The following LRBA variants were observed in gnomAD, a reference collection of about 807,000 sequenced individuals.
LRBA encodes the protein lipopolysaccharide-responsive and beige-like anchor protein.
In LRBA, 176 loss-of-function variants were observed where a neutral mutation model predicts 330.0. The observed-to-expected ratio is 0.53, with a 90% CI of 0.47 to 0.60. The LOEUF (loss-of-function observed/expected upper bound fraction) is 0.60, where lower values mean the gene tolerates loss of function less well. Among genes scored for constraint, LRBA ranks in the 20% least tolerant of loss-of-function variants. LRBA has a pLI of 0.00. For missense variants in LRBA, 3,259 were observed against 3,444.8 expected (o/e 0.95, Z 1.35); for synonymous variants, 1,230 against 1,193.0 (o/e 1.03, Z -0.64).
chr4:150,867,184 C>T (rs1319171469), intron 22 of LRBA, among the ~76,000 whole-genome samples: 1 of 151,022 alleles, frequency 6.6e-6, no homozygotes, highest in African/African-American at 2.4e-5. Flanking sequence ...TAGCACAGGG[C>T]AGACATCACC....
chr4:150,364,836 C>G (rs1280245712), intron 47 of LRBA, among the ~76,000 whole-genome samples: 6 of 151,792 alleles, frequency 4.0e-5, no homozygotes, highest in Non-Finnish European at 7.4e-5. Flanking sequence ...AGTAGATGCC[C>G]AATAAATATT....
At chr4:150,573,523 T>C (rs1025830100) in intron 40 of LRBA, among the ~76,000 whole-genome samples, 19 of 152,138 alleles carry the variant, frequency 1.2e-4, no homozygotes, top group Admixed American at 4.6e-4. Flanking sequence ...GACTATATAA[T>C]ATAGCAGATA....
intron 48 of LRBA, among the ~76,000 whole-genome samples, chr4:150,333,275 C>T (rs1031695417): frequency 2.0e-5 from 3 of 151,602 alleles, no homozygotes; most frequent in Non-Finnish European, 1.5e-5. Flanking sequence ...ATAACTTAAA[C>T]ATATGGACAC....
intron 17 of LRBA, among the ~76,000 whole-genome samples, chr4:150,879,524 A>C (rs1008301866): frequency 6.6e-6 from 1 of 152,184 alleles, no homozygotes; most frequent in African/African-American, 2.4e-5. Context: ...CAGAGCAATC[A>C]GGCAAGAAAA....
At chr4:150,914,104 T>C in intron 9 of LRBA, 91 bp downstream of exon 9, 3 of 983,850 alleles carry the variant, frequency 3.0e-6, no homozygotes, top group Non-Finnish European at 4.3e-6. Flanking sequence ...TTTTTTTTTT[T>C]TGTATCCATT....
chr4:150,997,650 G>A (rs1742816423), intron 2 of LRBA, among the ~76,000 whole-genome samples: 1 of 151,660 alleles, frequency 6.6e-6, no homozygotes, highest in Non-Finnish European at 1.5e-5. Context: ...TAGCGGTTGG[G>A]GAAAAAAACA....
chr4:150,522,409 T>G (rs1195336144), intron 40 of LRBA, among the ~76,000 whole-genome samples: 1 of 152,182 alleles, frequency 6.6e-6, no homozygotes, highest in Non-Finnish European at 1.5e-5. Flanking sequence ...AATGTGACAA[T>G]ATTAGTATGA....
intron 47 of LRBA, among the ~76,000 whole-genome samples, chr4:150,410,770 T>G (rs973093352): frequency 6.6e-6 from 1 of 152,178 alleles, no homozygotes; most frequent in Non-Finnish European, 1.5e-5. Flanking sequence ...TTTGAATCAA[T>G]TATGTATATT....
At chr4:150,804,059 T>C (rs1742179859) in intron 33 of LRBA, among the ~76,000 whole-genome samples, 1 of 151,948 alleles carries the variant, frequency 6.6e-6, no homozygotes, top group Non-Finnish European at 1.5e-5. Flanking sequence ...TGTTACACCA[T>C]TTAAAAAAAA....
At chr4:150,793,012 G>A (rs1433448745) in intron 34 of LRBA, among the ~76,000 whole-genome samples, 7 of 152,124 alleles carry the variant, frequency 4.6e-5, no homozygotes, top group South Asian at 4.2e-4. Flanking sequence ...CCCAGGAGGC[G>A]GAGGTTGCAG....
At chr4:150,488,958 AATATATTATATATAAGAATATATAAC>A (rs1758239271) in intron 41 of LRBA, among the ~76,000 whole-genome samples, 1 of 133,172 alleles carries the variant, frequency 7.5e-6, no homozygotes, top group African/African-American at 2.8e-5. Flanking sequence ...TATAACATAT[AATATATTATATATAAGAATATATAAC>A]ATATAATATA....
Position 150,444,047 on chromosome 4 carries a change from C to T in LRBA, c.6781-7183G>A, listed in dbSNP as rs1048262966. On this transcript the variant is annotated intron_variant, in intron 44 of 56. Coordinates refer to ENST00000651943, the MANE Select transcript of LRBA (RefSeq NM_001364905.1). ...AATACTATTAAAGTTTTTATCCCTA[C>T]TTACATAATGTCTGTGGATATCACC... Among the ~76,000 whole-genome samples the T allele has an allele frequency of 3.3e-5, 5 of 151,368 alleles. 1 individual carries two copies. Among genetic ancestry groups the T allele is most frequent in the South Asian group, 2.1e-4 (1 of 4,780 alleles).
intron 35 of LRBA, among the ~76,000 whole-genome samples, chr4:150,756,100 A>C (rs1734259933): frequency 6.6e-6 from 1 of 151,948 alleles, no homozygotes; most frequent in Non-Finnish European, 1.5e-5. Context: ...TATTTTTCAA[A>C]ATTCTAGAGG....
At chr4:150,474,424 A>G (rs1027180764) in intron 42 of LRBA, among the ~76,000 whole-genome samples, 1 of 152,194 alleles carries the variant, frequency 6.6e-6, no homozygotes, top group Non-Finnish European at 1.5e-5. Flanking sequence ...GTGGCTCTAC[A>G]ATAAGTTTTG....
chr4:150,925,101 G>A (rs1056543941), intron 4 of LRBA, among the ~76,000 whole-genome samples: 1 of 151,034 alleles, frequency 6.6e-6, no homozygotes, highest in Admixed American at 6.6e-5. Flanking sequence ...AGGAAGCTGA[G>A]AATGCAGTGA....
chr4:150,520,138 A>G (rs1292217272), intron 40 of LRBA, among the ~76,000 whole-genome samples: 1 of 152,220 alleles, frequency 6.6e-6, no homozygotes, highest in Non-Finnish European at 1.5e-5. Flanking sequence ...CATTTTGTTA[A>G]TAATCTAATA....
intron 37 of LRBA, among the ~76,000 whole-genome samples, chr4:150,607,819 G>A (rs1239468388): frequency 6.6e-6 from 1 of 151,856 alleles, no homozygotes; most frequent in Non-Finnish European, 1.5e-5. Flanking sequence ...GGCGGATCAC[G>A]AGGTCAGGAG....
At chr4:150,383,105 T>G (rs1581166471) in intron 47 of LRBA, among the ~76,000 whole-genome samples, 1 of 152,228 alleles carries the variant, frequency 6.6e-6, no homozygotes, top group African/African-American at 2.4e-5. Flanking sequence ...TATGGATGAT[T>G]AACATTAGCA....
chr4:150,838,964 A>G (rs1748610735), intron 28 of LRBA, among the ~76,000 whole-genome samples: 1 of 152,016 alleles, frequency 6.6e-6, no homozygotes, highest in Non-Finnish European at 1.5e-5. Flanking sequence ...AACCTACAGA[A>G]TGGGAGAAAA....
Sources: gnomAD v4.1 joint callset for allele counts (sites outside exome capture counted in the v4.1 genomes callset) on GRCh38, gnomAD v4.1.1 for gene constraint, MANE v1.5 for transcripts, NCBI Gene and HGNC (gene_info 2026-07-23, HGNC 2026-07-21) for gene names.